NECTIN1: variants seen among roughly 807,000 people sequenced by gnomAD.
NECTIN1 encodes the protein nectin cell adhesion molecule 1.
In NECTIN1, 23 loss-of-function variants were observed where a neutral mutation model predicts 48.0. The ratio of observed to expected loss-of-function variants is 0.48; its 90% CI spans 0.34 to 0.68. The LOEUF is 0.68. Among genes scored for constraint, NECTIN1 ranks in the 30% least tolerant of loss-of-function variants. The pLI is 0.01. For synonymous variants in NECTIN1, 270 were observed against 288.9 expected (o/e 0.93, Z 0.66); for missense variants, 591 against 709.9 (o/e 0.83, Z 1.90).
chr11:119,690,211 A>C (rs1255646858), intron 1 of NECTIN1, among the ~76,000 whole-genome samples: 1 of 152,120 alleles, frequency 6.6e-6, no homozygotes, highest in African/African-American at 2.4e-5. Flanking sequence ...TCCTTGGTGA[A>C]ACGTCACCCT....
chr11:119,713,629 C>T (rs1028254019), intron 1 of NECTIN1: 14 of 315,162 alleles, frequency 4.4e-5, no homozygotes, highest in African/African-American at 6.8e-5. Flanking sequence ...GAACACCAAC[C>T]GCTACTCTCA....
In NECTIN1 at chr11:119,663,571, CTG is replaced by C; in HGVS notation, c.*1174_*1175del. The C allele has an allele frequency of 2.0e-6, 2 of 985,570 alleles. No homozygotes were observed. Among genetic ancestry groups the C allele is most frequent in the Non-Finnish European group, 2.4e-6 (2 of 829,952 alleles). The allele number at this position is 985,570 out of a possible 1,614,324, so 61.1% of individuals were successfully genotyped here. On this transcript the variant is annotated 3_prime_UTR_variant, in exon 6 of 6. Transcript: ENST00000264025. ...TGTATGGACTCCTCAGTCCCTCGGA[CTG>C]TGTTTGCAGAGCTTCTGCCATGTGG...
chr11:119,728,019 G>C (rs3829260), intron 1 of NECTIN1, among the ~76,000 whole-genome samples: 66,902 of 151,876 alleles, frequency 0.44, 16,005 homozygotes, highest in Non-Finnish European at 0.52. Flanking sequence ...AGGGGCCGCC[G>C]AAAGAGACGA....
Position 119,662,218 on chromosome 11 carries a change from G to A in NECTIN1, c.*2529C>T. ...AGCAAAATGTCCTCATCTCTCTGCT[G>A]GGCTAGACCTCCCTTTTGCCAGCTG... is the stretch of plus-strand genomic sequence containing the variant. On this transcript the variant is annotated 3_prime_UTR_variant, in exon 6 of 6. Transcript: ENST00000264025. This position sits in a 1 kb window ranked among gnomAD's most constrained non-coding sequence, Gnocchi z 5.3. 1 of 985,468 alleles carries A rather than the reference G, an allele frequency of 1.0e-6. No individual in the cohort carries two copies. The highest frequency in any genetic ancestry group is 5.2e-4 in the Middle Eastern group (1 of 1,914). 61.0% of individuals were successfully genotyped at this position (985,468 alleles called of 1,614,324 possible).
chr11:119,701,328 A>G lies in NECTIN1; in HGVS notation c.80-22563T>C, dbSNP rs547791576. On this transcript the variant is annotated intron_variant, in intron 1 of 5. Coordinates refer to ENST00000264025, the MANE Select transcript of NECTIN1 (RefSeq NM_002855.5). Reference sequence around the variant, plus strand: ...AATAATGAGAGCTGACTTTTCTCTGAGCAGTGCTTGTCGCAGGCCATCCTC... The same window carrying G: ...AATAATGAGAGCTGACTTTTCTCTGGGCAGTGCTTGTCGCAGGCCATCCTC... 3.0e-4 allele frequency among the ~76,000 whole-genome samples: 45 copies of G among 152,278 alleles called. 1 individual carries two copies. In the Middle Eastern group the frequency reaches 0.014, roughly 46 times the overall value.
intron 1 of NECTIN1, among the ~76,000 whole-genome samples, chr11:119,708,579 A>G (rs534496313): frequency 6.7e-6 from 1 of 149,750 alleles, no homozygotes; most frequent in African/African-American, 2.5e-5. Flanking sequence ...AGATCCATAG[A>G]CACAGAAAGT....
chr11:119,691,376 C>T (rs1865248780), intron 1 of NECTIN1, among the ~76,000 whole-genome samples: 1 of 152,250 alleles, frequency 6.6e-6, no homozygotes, highest in Non-Finnish European at 1.5e-5. Context: ...GTTTTCTTTC[C>T]ACCTGAGAGT....
chr11:119,682,666 G>A (rs141773550), intron 1 of NECTIN1, among the ~76,000 whole-genome samples: 198 of 152,292 alleles, frequency 1.3e-3, no homozygotes, highest in Admixed American at 3.3e-3. Flanking sequence ...ATAAAACTGC[G>A]TAAGGATTAA....
intron 1 of NECTIN1, chr11:119,714,034 T>C (rs1000266279): frequency 1.2e-5 from 4 of 325,912 alleles, no homozygotes; most frequent in African/African-American, 9.0e-5. Context: ...TCTGAGTTGC[T>C]CTGAGGGTAC....
chr11:119,705,857 A>G (rs1384260535), intron 1 of NECTIN1, among the ~76,000 whole-genome samples: 5 of 151,744 alleles, frequency 3.3e-5, no homozygotes, highest in Non-Finnish European at 7.4e-5. Flanking sequence ...ATCAAGGTCT[A>G]CGGAGCCCTC....
intron 1 of NECTIN1, among the ~76,000 whole-genome samples, chr11:119,711,044 G>A (rs767019013): frequency 6.9e-6 from 1 of 144,660 alleles, no homozygotes; most frequent in African/African-American, 2.6e-5. Context: ...TTGGCATGGG[G>A]GTTAAATAGG....
Position 119,665,153 on chromosome 11 carries a change from TGCCGGC to T in NECTIN1, c.1142_1147del (p.Arg381_Arg382del), listed in dbSNP as rs752588453. 3.0e-5 allele frequency: 49 copies of T among 1,613,480 alleles called. No homozygotes were observed. The highest frequency in any genetic ancestry group is 3.9e-5 in the Non-Finnish European group (46 of 1,180,000). On this transcript the variant is annotated inframe_deletion, in exon 6 of 6. Coordinates refer to ENST00000264025, the MANE Select transcript of NECTIN1 (RefSeq NM_002855.5). The surrounding 1 kb of genome is among the most constrained non-coding windows in gnomAD (Gnocchi z 5.1). ...GGTGCTGTAGTCACCCTTGAAGGTG[TGCCGGC>T]GCCGACGCAGGGCGACCACGATCCC...
At position 119,728,703 on chromosome 11, in the gene NECTIN1, C is replaced by CGGGGGGGGGGGGGG; in HGVS notation, c.-151_-150insCCCCCCCCCCCCCC. ...CAGCCGTCGGCCGGGGCGGGGTGGG[C>CGGGGGGGGGGGGGG]TGGGTGGGATCCGCGCGGCCGCAGT... On this transcript the variant is annotated 5_prime_UTR_variant, in exon 1 of 6. Transcript: ENST00000264025. The CGGGGGGGGGGGGGG allele has an allele frequency of 1.4e-5, 2 of 145,532 alleles. No homozygotes were observed. Among genetic ancestry groups the CGGGGGGGGGGGGGG allele is most frequent in the South Asian group, 1.1e-4 (1 of 9,518 alleles). The allele number at this position is 145,532 out of a possible 1,614,324, so 9.0% of individuals were successfully genotyped here.
At position 119,709,808 on chromosome 11, in the gene NECTIN1, A is replaced by G. The variant is rs1225154649; in HGVS notation, c.79+18667T>C. The G allele has an allele frequency of 2.0e-5, 3 of 152,240 alleles. No individual in the cohort carries two copies. Among genetic ancestry groups the G allele is most frequent in the Non-Finnish European group, 4.4e-5 (3 of 68,080 alleles). 9.4% of individuals were successfully genotyped at this position (152,240 alleles called of 1,614,324 possible). A position where few individuals can be genotyped will look rare whatever the true frequency, so the allele number is the denominator to read the frequency against. ...GGGGAGGACCTAGCTGGTTTTTCCC[A>G]GCATCCCCCAGGCCACTTCTCTCAC... On this transcript the variant is annotated intron_variant, in intron 1 of 5. Coordinates refer to ENST00000264025, the MANE Select transcript of NECTIN1 (RefSeq NM_002855.5). This position sits in a 1 kb window ranked among gnomAD's most constrained non-coding sequence, Gnocchi z 4.1.
intron 1 of NECTIN1, among the ~76,000 whole-genome samples, chr11:119,710,788 T>G (rs1865629950): frequency 6.6e-6 from 1 of 151,944 alleles, no homozygotes. Context: ...CCCATACAAG[T>G]CCTGGTGTGG....
Position 119,664,196 on chromosome 11 carries a change from C to G in NECTIN1, c.*551G>C, listed in dbSNP as rs1040922214. 2.3e-5 allele frequency: 23 copies of G among 987,118 alleles called. No individual in the cohort carries two copies. Among genetic ancestry groups the G allele is most frequent in the Middle Eastern group, 5.2e-4 (1 of 1,916 alleles). 61.1% of individuals were successfully genotyped at this position (987,118 alleles called of 1,614,324 possible). On this transcript the variant is annotated 3_prime_UTR_variant, in exon 6 of 6. Coordinates refer to ENST00000264025, the MANE Select transcript of NECTIN1 (RefSeq NM_002855.5). ...ACTGGGGAGAAGCCGCACCCCTCCCCCTACCTCTTGGGCGCACCAGCTGTC... is the reference window on the plus strand; with the variant it reads ...ACTGGGGAGAAGCCGCACCCCTCCCGCTACCTCTTGGGCGCACCAGCTGTC...
At chr11:119,648,283 GTGGTGATGGTGGTGGTGGTGGTGA>G (rs1864430644) in intron 5 of NECTIN1, among the ~76,000 whole-genome samples, 2 of 11,246 alleles carry the variant, frequency 1.8e-4, no homozygotes, top group Non-Finnish European at 2.1e-4. Flanking sequence ...GGTGATGGTG[GTGGTGATGGTGGTGGTGGTGGTGA>G]TGGTGGTGAT....
At chr11:119,695,100 C>T (rs911926738) in intron 1 of NECTIN1, among the ~76,000 whole-genome samples, 4 of 152,158 alleles carry the variant, frequency 2.6e-5, no homozygotes, top group Non-Finnish European at 5.9e-5. Flanking sequence ...ATCCGTCTCC[C>T]CAGTATGCTG....
At chr11:119,697,209 A>T (rs2135567495) in intron 1 of NECTIN1, among the ~76,000 whole-genome samples, 1 of 152,176 alleles carries the variant, frequency 6.6e-6, no homozygotes, top group African/African-American at 2.4e-5. Context: ...CAGCCGAGAG[A>T]GGGGGGTAGG....
Sources: allele counts gnomAD v4.1 joint callset (sites outside exome capture counted in the v4.1 genomes callset), GRCh38; gene constraint gnomAD v4.1.1; non-coding constraint Gnocchi (gnomAD v3.1); transcripts MANE v1.5; gene names NCBI Gene and HGNC (gene_info 2026-07-23, HGNC 2026-07-21).